The following FHL2 variants were observed in gnomAD, a reference collection of about 807,000 sequenced individuals.
The protein encoded by FHL2 is four and a half LIM domains protein 2.
In FHL2, 20 loss-of-function variants were observed where a neutral mutation model predicts 32.7. The observed-to-expected ratio is 0.61, with a 90% confidence interval of 0.43 to 0.89. The LOEUF is 0.89. Ranked by LOEUF, FHL2 falls within the 40% of genes least tolerant of loss-of-function variation. FHL2 has a pLI of 0.00. For synonymous variants in FHL2, 123 were observed against 128.1 expected, an observed-to-expected ratio of 0.96 and a Z score of 0.27; for missense variants, 311 against 358.6, an observed-to-expected ratio of 0.87 and a Z score of 1.07.
intron 1 of FHL2, among the ~76,000 whole-genome samples, chr2:105,430,400 C>T (rs942783828): frequency 3.9e-5 from 6 of 152,234 alleles, no homozygotes; most frequent in African/African-American, 9.6e-5. Flanking sequence ...GGCGAGGTGG[C>T]TCACGCCTGT....
chr2:105,402,073 A>G (rs561624695), upstream of FHL2, among the ~76,000 whole-genome samples: 44 of 149,782 alleles, frequency 2.9e-4, no homozygotes, highest in South Asian at 5.9e-3. Context: ...GTACATATAC[A>G]TGTATATATG....
At chr2:105,392,691 G>A (rs919762548) in intron 2 of FHL2, among the ~76,000 whole-genome samples, 14 of 151,532 alleles carry the variant, frequency 9.2e-5, no homozygotes, top group African/African-American at 3.2e-4. Context: ...GGAAAATAAA[G>A]GGAAAAGGAA....
chr2:105,397,114 A>C (rs1294094440), intron 1 of FHL2, among the ~76,000 whole-genome samples: 1 of 149,932 alleles, frequency 6.7e-6, no homozygotes, highest in Non-Finnish European at 1.5e-5. Context: ...TCTTGGGTCA[A>C]AGTATGCATC....
intron 2 of FHL2, among the ~76,000 whole-genome samples, chr2:105,388,958 T>C (rs555483342): frequency 6.6e-6 from 1 of 152,358 alleles, no homozygotes; most frequent in East Asian, 1.9e-4. Context: ...GAATCAGACC[T>C]TCTGATGCAA....
intron 1 of FHL2, among the ~76,000 whole-genome samples, chr2:105,413,609 G>A (rs966568983): frequency 6.6e-6 from 1 of 152,154 alleles, no homozygotes; most frequent in African/African-American, 2.4e-5. Flanking sequence ...GACAAGCTGG[G>A]ACCACAGGTG....
intron 3 of FHL2, among the ~76,000 whole-genome samples, 164 bp from the exon 4 acceptor site, chr2:105,373,897 T>C (rs940794903): frequency 1.3e-5 from 2 of 152,214 alleles, no homozygotes; most frequent in East Asian, 3.8e-4. Context: ...ACTGCTGAAA[T>C]CAATTAAGAC....
chr2:105,404,555 A>G (rs1303062457), intron 1 of FHL2, among the ~76,000 whole-genome samples: 1 of 152,186 alleles, frequency 6.6e-6, no homozygotes, highest in East Asian at 1.9e-4. Flanking sequence ...CGGGCAGGGT[A>G]TGCACCTGCC....
Position 105,431,791 on chromosome 2 carries a change from CT to C in FHL2, c.-25+6607del, listed in dbSNP as rs1684441289. On this transcript the variant is annotated intron_variant, in intron 1 of 5. Coordinates refer to the FHL2 transcript ENST00000393352. ...GTGGTTAAATTGGGCTCACATTGGC[CT>C]CTGGGGTTGCCTGGCTGCTCCTGCC... Among the ~76,000 whole-genome samples, 5 of 152,218 alleles carry C rather than the reference CT, an allele frequency of 3.3e-5. No individual in the cohort carries two copies. The South Asian group carries it at 1.0e-3, about 32-fold the overall frequency.
chr2:105,377,163 T>A (rs139218244), intron 3 of FHL2, among the ~76,000 whole-genome samples: 1 of 152,322 alleles, frequency 6.6e-6, no homozygotes, highest in African/African-American at 2.4e-5. Flanking sequence ...ACTAATGGAA[T>A]ACTAGGCGTA....
At chr2:105,370,217 A>C (rs55841503) in intron 4 of FHL2, among the ~76,000 whole-genome samples, 22,722 of 150,976 alleles carry the variant, frequency 0.15, 2,125 homozygotes, top group East Asian at 0.3. Context: ...TACCCCCCCA[A>C]AAAAAAAATT....
chr2:105,399,714 G>A, upstream of FHL2: 2 of 1,225,542 alleles, frequency 1.6e-6, no homozygotes, highest in African/African-American at 3.0e-5. Flanking sequence ...CCCTCTGCGT[G>A]ACGCTGACGC....
chr2:105,373,488 G>C, intron 4 of FHL2, 71 bp downstream of exon 4: 1 of 1,540,264 alleles, frequency 6.5e-7, no homozygotes, highest in Non-Finnish European at 9.0e-7. Flanking sequence ...AATGTGAACA[G>C]GGGGTCAGAG....
chr2:105,402,223 G>A (rs1248132153), upstream of FHL2, among the ~76,000 whole-genome samples: 1 of 147,144 alleles, frequency 6.8e-6, no homozygotes, highest in Non-Finnish European at 1.5e-5. Flanking sequence ...ATATATATGT[G>A]TGTATATATA....
In FHL2 at chr2:105,420,296, T is replaced by C. The variant is rs1054119230; in HGVS notation, c.-25+18103A>G. ...GGCTTGTAGACTCACTTCCCTGATCTCTGTCTTCACGTGGACATAGTATCT... is the reference window on the plus strand; with the variant it reads ...GGCTTGTAGACTCACTTCCCTGATCCCTGTCTTCACGTGGACATAGTATCT... On this transcript the variant is annotated intron_variant, in intron 1 of 5. Transcript: ENST00000393352. 2.6e-5 allele frequency among the ~76,000 whole-genome samples: 4 copies of C among 152,276 alleles called. No individual in the cohort carries two copies. In the South Asian group the frequency reaches 8.3e-4, roughly 32 times the overall value.
chr2:105,382,122 C>T lies in FHL2; in HGVS notation c.156+4239G>A, dbSNP rs1371877092. On this transcript the variant is annotated intron_variant, in intron 3 of 6. Transcript: ENST00000530340. ...ATTTCTGTCCATTACCAAACATTAA[C>T]TGAGACTTTTACAGCCAATTTGATC... 2.0e-5 allele frequency among the ~76,000 whole-genome samples: 3 copies of T among 152,238 alleles called. No individual in the cohort carries two copies. The South Asian group carries it at 6.2e-4, about 31-fold the overall frequency.
intron 1 of FHL2, among the ~76,000 whole-genome samples, chr2:105,405,681 CA>C (rs1372244462): frequency 6.6e-6 from 1 of 152,226 alleles, no homozygotes; most frequent in Non-Finnish European, 1.5e-5. Context: ...TCACTGCCAC[CA>C]AGGTCGTTTT....
intron 6 of FHL2, 125 bp from the exon 7 acceptor site, chr2:105,361,559 C>T (rs1303936460): frequency 2.7e-5 from 21 of 769,810 alleles, no homozygotes; most frequent in Non-Finnish European, 3.5e-5. Context: ...ATGTGAATTT[C>T]TAGTGACTGG....
At chr2:105,381,717 C>T (rs755217637) in intron 3 of FHL2, among the ~76,000 whole-genome samples, 10 of 152,136 alleles carry the variant, frequency 6.6e-5, no homozygotes, top group South Asian at 2.1e-4. Context: ...CAAATAAATA[C>T]GCGTTTTCAG....
chr2:105,428,603 T>A (rs898921784), intron 1 of FHL2, among the ~76,000 whole-genome samples: 3 of 152,250 alleles, frequency 2.0e-5, no homozygotes, highest in Non-Finnish European at 2.9e-5. Context: ...ATGACCATGC[T>A]TGCCCTGTCC....
Sources: gnomAD v4.1 joint callset for allele counts (sites outside exome capture counted in the v4.1 genomes callset) on GRCh38, gnomAD v4.1.1 for gene constraint, MANE v1.5 for transcripts, NCBI Gene and HGNC (gene_info 2026-07-23, HGNC 2026-07-21) for gene names.